PCDHGB7: variants seen among roughly 807,000 people sequenced by gnomAD.
PCDHGB7 encodes protocadherin gamma-B7.
A neutral mutation model predicts 61.4 loss-of-function variants in PCDHGB7; 37 were observed. The observed-to-expected ratio is 0.60, with a 90% CI of 0.46 to 0.79. The LOEUF (loss-of-function observed/expected upper bound fraction) is 0.79. Among genes scored for constraint, PCDHGB7 ranks in the 30% least tolerant of loss-of-function variants. The pLI is 0.00. For synonymous variants in PCDHGB7, 464 were observed against 503.5 expected (o/e 0.92, Z 1.05); for missense variants, 1,166 against 1,202.5 (o/e 0.97, Z 0.45).
Position 141,418,934 on chromosome 5 carries a change from G to T in PCDHGB7, c.1075G>T (p.Asp359Tyr), listed in dbSNP as rs1163951447. Residue 359 changes from aspartate (D) to tyrosine (Y), a missense_variant, in exon 1 of 4, where the codon GAT becomes TAT. Physicochemically the swap from Asp to Tyr is radical, Grantham distance 160. Transcript: ENST00000398594. The stretch of plus-strand genomic sequence containing the variant: ...GTCACTCTCTGATCAGATTATGGAG[G>T]ATTCCCCTCCAGGAGTGGTTGTTGC... ...ITSLSDQIME[D>Y]SPPGVVVALF... 1 of 1,614,056 alleles carries T rather than the reference G, an allele frequency of 6.2e-7. No individual in the cohort carries two copies. Among genetic ancestry groups the T allele is most frequent in the African/African-American group, 1.3e-5 (1 of 75,068 alleles).
intron 1 of PCDHGB7, among the ~76,000 whole-genome samples, chr5:141,450,782 C>T (rs1012152203): frequency 2.0e-5 from 3 of 151,350 alleles, no homozygotes; most frequent in East Asian, 1.9e-4. Flanking sequence ...CCACCGTGCC[C>T]GGACCTCATG....
intron 1 of PCDHGB7, among the ~76,000 whole-genome samples, chr5:141,420,868 G>C (rs1479734969): frequency 6.6e-6 from 1 of 152,222 alleles, no homozygotes; most frequent in Non-Finnish European, 1.5e-5. Context: ...GTCACATAAT[G>C]TAAGTATTGT....
Position 141,491,262 on chromosome 5 carries a change from G to A in PCDHGB7, c.2416-3545G>A. ...TGGAGGATGAGGACCCTGAGGAAATGCCCAAATCCAGTGACTTCCTCATAC... is the reference window on the plus strand; with the variant it reads ...TGGAGGATGAGGACCCTGAGGAAATACCCAAATCCAGTGACTTCCTCATAC... On this transcript the variant is annotated intron_variant, in intron 1 of 3. Transcript: ENST00000398594. The surrounding 1 kb of genome is among the most constrained non-coding windows in gnomAD (Gnocchi z 6.9). 2 of 1,614,122 alleles carry A rather than the reference G, an allele frequency of 1.2e-6. No individual in the cohort carries two copies. Among genetic ancestry groups the A allele is most frequent in the Non-Finnish European group, 1.7e-6 (2 of 1,179,952 alleles).
At chr5:141,498,346 C>T (rs780832000) in intron 2 of PCDHGB7, among the ~76,000 whole-genome samples, 1 of 150,796 alleles carries the variant, frequency 6.6e-6, no homozygotes, top group Non-Finnish European at 1.5e-5. Context: ...ATGGGAAAAG[C>T]CTATGCAAAA....
chr5:141,472,281 C>A (rs944776124), intron 1 of PCDHGB7, among the ~76,000 whole-genome samples: 2 of 152,202 alleles, frequency 1.3e-5, no homozygotes, highest in Non-Finnish European at 2.9e-5. Context: ...GTGGCTCACA[C>A]CTGTAATCCC....
At chr5:141,429,169 T>TACACACACACACACACACAAAC (rs2097191391) in intron 1 of PCDHGB7, 1 of 145,394 alleles carries the variant, frequency 6.9e-6, no homozygotes, top group East Asian at 2.0e-4. Flanking sequence ...ACATTGTTTA[T>TACACACACACACACACACAAAC]ACACACACAC....
At chr5:141,441,848 T>C (rs1034278597) in intron 1 of PCDHGB7, 2 of 356,906 alleles carry the variant, frequency 5.6e-6, no homozygotes, top group South Asian at 2.4e-5. Context: ...CTCTTGGATA[T>C]GGTGCTGCAC....
At position 141,485,929 on chromosome 5, in the gene PCDHGB7, G is replaced by A; in HGVS notation, c.2416-8878G>A. 1 of 1,614,150 alleles carries A rather than the reference G, an allele frequency of 6.2e-7. No homozygotes were observed. The highest frequency in any genetic ancestry group is 8.5e-7 in the Non-Finnish European group (1 of 1,180,036). ...AATCCAGCTACAGGATTAGTGTGTT[G>A]GAGAGCGCACCAGCGGGCATGGTGC... On this transcript the variant is annotated intron_variant, in intron 1 of 3. Coordinates refer to ENST00000398594, the MANE Select transcript of PCDHGB7 (RefSeq NM_018927.4). This position sits in a 1 kb window ranked among gnomAD's most constrained non-coding sequence, Gnocchi z 5.7.
Position 141,419,960 on chromosome 5 carries a change from G to A in PCDHGB7, c.2101G>A (p.Val701Met), listed in dbSNP as rs773071584. 5.0e-6 allele frequency: 8 copies of A among 1,613,960 alleles called. No homozygotes were observed. Among genetic ancestry groups the A allele is most frequent in the South Asian group, 4.4e-5 (4 of 91,088 alleles). Residue 701 changes from valine to methionine, a missense_variant, in exon 1 of 4, where the codon GTG becomes ATG. Coordinates refer to ENST00000398594, the MANE Select transcript of PCDHGB7 (RefSeq NM_018927.4). Reference sequence around the variant, plus strand: ...GGTGGTGGCCTTGGCCTTGATTTCTGTGCTCTTTCTCCTCGCGGTGATTCT... The same window carrying A: ...GGTGGTGGCCTTGGCCTTGATTTCTATGCTCTTTCTCCTCGCGGTGATTCT... ...YLVVALALIS[V>M]LFLLAVILAI...
intron 2 of PCDHGB7, among the ~76,000 whole-genome samples, chr5:141,498,404 C>T (rs1283586713): frequency 6.6e-6 from 1 of 152,104 alleles, no homozygotes; most frequent in African/African-American, 2.4e-5. Context: ...AGGGAGTTTT[C>T]TCTTTGCTGG....
rs530356030 is a variant in PCDHGB7 at position 141,426,463 on chromosome 5, GATTT to G, written c.2415+6193_2415+6196del. 309 of 318,428 alleles carry G rather than the reference GATTT, an allele frequency of 9.7e-4. 2 individuals are homozygous for G. Among genetic ancestry groups the G allele is most frequent in the Non-Finnish European group, 1.6e-3 (252 of 160,518 alleles). 19.7% of individuals were successfully genotyped at this position (318,428 alleles called of 1,614,324 possible). A position where few individuals can be genotyped will look rare whatever the true frequency, so the allele number is the denominator to read the frequency against. ...GGAGGACATGCGGCTGCATGTTCAGGATTTATTGACCTGAAACCTTAGAGTTAGT... is the reference window on the plus strand; with the variant it reads ...GGAGGACATGCGGCTGCATGTTCAGGATTGACCTGAAACCTTAGAGTTAGT... On this transcript the variant is annotated intron_variant, in intron 1 of 3. Transcript: ENST00000398594.
chr5:141,491,131 G>A lies in PCDHGB7; in HGVS notation c.2416-3676G>A. 1 of 1,614,182 alleles carries A rather than the reference G, an allele frequency of 6.2e-7. No individual in the cohort carries two copies. Among genetic ancestry groups the A allele is most frequent in the Non-Finnish European group, 8.5e-7 (1 of 1,180,008 alleles). ...TACACACACTGGTGAGGTGCGCACA[G>A]CCCGGGCCTTACTGGAGGATGACTC... On this transcript the variant is annotated intron_variant, in intron 1 of 3. Coordinates refer to ENST00000398594, the MANE Select transcript of PCDHGB7 (RefSeq NM_018927.4). This position sits in a 1 kb window ranked among gnomAD's most constrained non-coding sequence, Gnocchi z 6.9.
chr5:141,474,772 G>A (rs1053853138), intron 1 of PCDHGB7, among the ~76,000 whole-genome samples: 2 of 152,182 alleles, frequency 1.3e-5, no homozygotes, highest in Non-Finnish European at 2.9e-5. Flanking sequence ...AATAGTATGA[G>A]GCTCTAACAC....
chr5:141,501,706 T>TA (rs2099810629), intron 2 of PCDHGB7, among the ~76,000 whole-genome samples: 1 of 152,094 alleles, frequency 6.6e-6, no homozygotes, highest in South Asian at 2.1e-4. Flanking sequence ...ATTCCGAGGA[T>TA]AAAAAAGACA....
chr5:141,466,494 G>C (rs1186331329), intron 1 of PCDHGB7, among the ~76,000 whole-genome samples: 4 of 152,134 alleles, frequency 2.6e-5, no homozygotes. Context: ...TCTTTAATTA[G>C]AGCACAGACA....
chr5:141,492,632 C>G (rs1359761285), intron 1 of PCDHGB7, among the ~76,000 whole-genome samples: 1 of 152,256 alleles, frequency 6.6e-6, no homozygotes, highest in Non-Finnish European at 1.5e-5. Flanking sequence ...CAGGACTCTA[C>G]GATCCTTGGG....
chr5:141,510,978 G>A lies in PCDHGB7; in HGVS notation c.2595G>A (p.Gly865=), dbSNP rs2099883535. 1.2e-6 allele frequency: 2 copies of A among 1,614,160 alleles called. No homozygotes were observed. The change falls in exon 4 of 4, where the codon GGG becomes GGA. Residue 865 remains glycine, a synonymous_variant. Transcript: ENST00000398594. The part of the protein sequence containing the change: ...EAADGSSTLG[G]GAGTMGLSAR... Reference sequence around the variant, plus strand: ...CTGATGGGAGCTCCACCCTGGGAGGGGGTGCCGGCACCATGGGATTGAGCG... The same window carrying A: ...CTGATGGGAGCTCCACCCTGGGAGGAGGTGCCGGCACCATGGGATTGAGCG...
chr5:141,497,740 C>T (rs954595046), intron 2 of PCDHGB7, among the ~76,000 whole-genome samples: 1 of 152,054 alleles, frequency 6.6e-6, no homozygotes, highest in South Asian at 2.1e-4. Context: ...GGTTTCGCCA[C>T]GTTGGCCAGG....
At chr5:141,421,651 A>G in intron 1 of PCDHGB7, 1 of 1,613,868 alleles carries the variant, frequency 6.2e-7, no homozygotes, top group Non-Finnish European at 8.5e-7. Flanking sequence ...AGTGGAGATA[A>G]AAGTCAGTGA....
Sources: gnomAD v4.1 joint callset for allele counts (sites outside exome capture counted in the v4.1 genomes callset) on GRCh38, gnomAD v4.1.1 for gene constraint, Gnocchi (gnomAD v3.1) non-coding constraint, MANE v1.5 for transcripts, NCBI Gene and HGNC (gene_info 2026-07-23, HGNC 2026-07-21) for gene names.